The following C16orf89 variants were observed in gnomAD, a reference collection of about 807,000 sequenced individuals.
C16orf89 encodes the protein chromosome 16 open reading frame 89, also known as UPF0764 protein C16orf89.
Under a neutral mutation model 41.5 loss-of-function variants are expected in C16orf89, and 57 were observed. The observed-to-expected ratio is 1.38, with a 90% CI of 1.11 to 1.71. C16orf89 has a LOEUF of 1.71. Among genes scored for constraint, C16orf89 ranks in the 40% most tolerant of loss-of-function variants. C16orf89 has a pLI of 0.00. For missense variants in C16orf89, 575 were observed against 445.9 expected, an observed-to-expected ratio of 1.29 and a Z score of -2.61; for synonymous variants, 223 against 190.6, an observed-to-expected ratio of 1.17 and a Z score of -1.40.
chr16:5,059,899 G>GC (rs1475760695), intron 3 of C16orf89, among the ~76,000 whole-genome samples: 4 of 151,474 alleles, frequency 2.6e-5, no homozygotes, highest in African/African-American at 9.7e-5. Context: ...ACTTCCTGAG[G>GC]CCCAGGGGGT....
At chr16:5,043,929 AG>A (rs1596678251), downstream of C16orf89, 1 of 167,934 alleles carries the variant, frequency 6.0e-6, no homozygotes, top group African/African-American at 2.4e-5. Flanking sequence ...TGAGATGGGA[AG>A]ATTGCTTGAG....
In C16orf89 at chr16:5,060,317, C is replaced by T; in HGVS notation, c.478G>A (p.Asp160Asn). The T allele has an allele frequency of 1.9e-6, 3 of 1,612,320 alleles. No individual in the cohort carries two copies. Among genetic ancestry groups the T allele is most frequent in the Non-Finnish European group, 2.5e-6 (3 of 1,179,256 alleles). ...CCCAGCAGCTGCACCAGGCACACGT[C>T]ACTTCTCTCCTCTGAGAATGAGTCC... is the stretch of plus-strand genomic sequence containing the variant. ...PQDSFSEERSDVCLVQLLGTG... is the reference protein window; with the variant it reads ...PQDSFSEERSNVCLVQLLGTG... Residue 160 changes from aspartate to asparagine, a missense_variant, in exon 3 of 8, where the codon GAC becomes AAC. Physicochemically the swap from Asp to Asn is conservative, Grantham distance 23. Transcript: ENST00000472572.
At chr16:5,064,959 G>T (rs766188309) in intron 1 of C16orf89, among the ~76,000 whole-genome samples, 2 of 152,224 alleles carry the variant, frequency 1.3e-5, no homozygotes. Flanking sequence ...CCTGGGTTGT[G>T]CCCACATTGA....
chr16:5,048,023 T>C, intron 6 of C16orf89, 59 bp from the exon 7 acceptor site: 1 of 957,094 alleles, frequency 1.0e-6, no homozygotes, highest in African/African-American at 1.6e-5. Context: ...TACATTTTTA[T>C]TTCTTTTTAC....
At chr16:5,047,471 CTTT>C (rs34384781) in intron 7 of C16orf89, among the ~76,000 whole-genome samples, 1 of 144,022 alleles carries the variant, frequency 6.9e-6, no homozygotes. Flanking sequence ...TTCTTTCTTT[CTTT>C]TTTTTTTTTT....
chr16:5,063,893 G>A (rs1391313536), intron 1 of C16orf89, among the ~76,000 whole-genome samples: 1 of 152,178 alleles, frequency 6.6e-6, no homozygotes, highest in Non-Finnish European at 1.5e-5. Flanking sequence ...TTGCGAGGCC[G>A]AGGCAGGTGG....
At chr16:5,064,674 T>C (rs1331755291) in intron 1 of C16orf89, among the ~76,000 whole-genome samples, 2 of 152,216 alleles carry the variant, frequency 1.3e-5, no homozygotes, top group African/African-American at 4.8e-5. Flanking sequence ...TATTAAGCAC[T>C]GAATTCCTAG....
chr16:5,055,799 CAATG>C (rs1567155093), intron 5 of C16orf89: 1 of 1,450,470 alleles, frequency 6.9e-7, no homozygotes, highest in South Asian at 1.2e-5. Flanking sequence ...TTTCGATAAA[CAATG>C]AATATAATTT....
At position 5,060,282 on chromosome 16, in the gene C16orf89, C is replaced by A. The variant is rs1237405667; in HGVS notation, c.509+4G>T. 5 of 1,604,766 alleles carry A rather than the reference C, an allele frequency of 3.1e-6. No homozygotes were observed. The highest frequency in any genetic ancestry group is 4.3e-6 in the Non-Finnish European group (5 of 1,174,826). On this transcript the variant is annotated splice_donor_region_variant and intron_variant, in intron 3 of 7. Transcript: ENST00000472572. ...CCAGCAAATAGGGCAAGTGCAGGGC[C>A]CACCCGGTTCCCAGCAGCTGCACCA...
rs577604693 is a variant in C16orf89, at chr16:5,056,198, C to G, written c.628-10G>C. 2 of 1,579,662 alleles carry G rather than the reference C, an allele frequency of 1.3e-6. No homozygotes were observed. The highest frequency in any genetic ancestry group is 2.2e-5 in the South Asian group (2 of 89,738). On this transcript the variant is annotated splice_polypyrimidine_tract_variant and intron_variant, in intron 4 of 7. Transcript: ENST00000472572. ...CCTGTGTGCACCCCCTCTGGGGAGA[C>G]AAACACCCAAAGACAAGGGAGTCAG...
rs187789524 is a variant in C16orf89 at position 5,051,738 on chromosome 16, C to A, written c.868+3508G>T. On this transcript the variant is annotated intron_variant, in intron 6 of 7. Coordinates refer to ENST00000472572, the MANE Select transcript of C16orf89 (RefSeq NM_001098514.3). ...CAAAGACCCCAAATAGTGAAGCAAT[C>A]CTAAGGAAAAAGAACAAAGCTGGAA... Among the ~76,000 whole-genome samples, 4 of 152,144 alleles carry A rather than the reference C, an allele frequency of 2.6e-5. No homozygotes were observed. The East Asian group carries it at 7.7e-4, about 29-fold the overall frequency.
At chr16:5,055,176 G>A in intron 6 of C16orf89, 70 bp downstream of exon 6, 1 of 1,312,472 alleles carries the variant, frequency 7.6e-7, no homozygotes, top group Non-Finnish European at 1.1e-6. Context: ...TCCCACACCT[G>A]GCCTAGAAAC....
Position 5,048,205 on chromosome 16 carries a change from A to AT in C16orf89, c.869-242dup, listed in dbSNP as rs1023808393. On this transcript the variant is annotated intron_variant, in intron 6 of 7. Transcript: ENST00000472572. ...TACCATGTCCAGCTATTTAAAAAAA[A>AT]TTTTTTTTTGGTAGAGATGGGGTCT... is the stretch of plus-strand genomic sequence containing the variant. Among the ~76,000 whole-genome samples, 15 of 151,256 alleles carry AT rather than the reference A, an allele frequency of 9.9e-5. No individual in the cohort carries two copies. The East Asian group carries it at 2.3e-3, about 24-fold the overall frequency.
chr16:5,060,505 T>C (rs908488535), intron 2 of C16orf89, 69 bp from the exon 3 acceptor site: 1 of 1,457,470 alleles, frequency 6.9e-7, no homozygotes, highest in African/African-American at 1.4e-5. Context: ...CACCCTGGTG[T>C]CCCCACCTCC....
At chr16:5,052,062 A>G (rs1475449119) in intron 6 of C16orf89, among the ~76,000 whole-genome samples, 3 of 147,632 alleles carry the variant, frequency 2.0e-5, no homozygotes, top group Non-Finnish European at 4.5e-5. Context: ...AGACTGTGCT[A>G]CGGCACACCA....
rs748902154 is a variant in C16orf89, at chr16:5,062,458, A to G, written c.325T>C (p.Tyr109His). The G allele has an allele frequency of 1.2e-6, 2 of 1,614,078 alleles. No homozygotes were observed. The highest frequency in any genetic ancestry group is 1.7e-6 in the Non-Finnish European group (2 of 1,179,978). The change falls in exon 2 of 8, where the codon TAC (tyrosine) becomes CAC (histidine). Residue 109 changes from tyrosine (Y) to histidine (H), a missense_variant. Transcript: ENST00000472572. ...TACTTGGGATCACTCAGCTTGAGGTAGTGGAGGGATCTCTGGATGGCAGCC... is the reference window on the plus strand; with the variant it reads ...TACTTGGGATCACTCAGCTTGAGGTGGTGGAGGGATCTCTGGATGGCAGCC... ...LEAAIQRSLH[Y>H]LKLSDPKYLR... is the part of the protein sequence containing the mutation.
intron 6 of C16orf89, among the ~76,000 whole-genome samples, chr16:5,051,326 C>G (rs1055778953): frequency 1.3e-5 from 2 of 152,118 alleles, no homozygotes; most frequent in African/African-American, 4.8e-5. Flanking sequence ...CAAAAAAACT[C>G]TTAGAACTGA....
At position 5,056,278 on chromosome 16, in the gene C16orf89, C is replaced by A. The variant is rs77462052; in HGVS notation, c.628-90G>T. Reference sequence around the variant, plus strand: ...ATGGGAAAGTCTTGCAGTTCTGAGACGGTCTTGCAAGGGGCTGTGTTTAGG... The same window carrying A: ...ATGGGAAAGTCTTGCAGTTCTGAGAAGGTCTTGCAAGGGGCTGTGTTTAGG... On this transcript the variant is annotated intron_variant, in intron 4 of 7. Coordinates refer to ENST00000472572, the MANE Select transcript of C16orf89 (RefSeq NM_001098514.3). 1.1e-3 allele frequency: 1,519 copies of A among 1,323,574 alleles called. 18 individuals carry two copies. The East Asian group carries it at 0.026, about 23-fold the overall frequency. The allele number at this position is 1,323,574 out of a possible 1,614,324, so 82.0% of individuals were successfully genotyped here.
Position 5,060,376 on chromosome 16 carries a change from T to A in C16orf89, c.419A>T (p.Asp140Val). 1.2e-6 allele frequency: 2 copies of A among 1,613,458 alleles called. No individual in the cohort carries two copies. Among genetic ancestry groups the A allele is most frequent in the Non-Finnish European group, 1.7e-6 (2 of 1,179,786 alleles). Reference sequence around the variant, plus strand: ...GAACGTGGGGTACACCAAGGAGGCATCAGTGTGGATCCAGGCATGTGGGAG... The same window carrying A: ...GAACGTGGGGTACACCAAGGAGGCAACAGTGTGGATCCAGGCATGTGGGAG... ...WKLPHAWIHTDASLVYPTFGP... is the reference protein window; with the variant it reads ...WKLPHAWIHTVASLVYPTFGP... The change falls in exon 3 of 8, where the codon GAT (aspartate) becomes GTT (valine). Residue 140 changes from aspartate to valine, a missense_variant. Coordinates refer to ENST00000472572, the MANE Select transcript of C16orf89 (RefSeq NM_001098514.3).
Sources: gnomAD v4.1 joint callset for allele counts (sites outside exome capture counted in the v4.1 genomes callset) on GRCh38, gnomAD v4.1.1 for gene constraint, MANE v1.5 for transcripts, NCBI Gene and HGNC (gene_info 2026-07-23, HGNC 2026-07-21) for gene names.